SHB: variants seen among roughly 807,000 people sequenced by gnomAD.
The protein encoded by SHB is SH2 domain containing adaptor protein B, also known as SH2 domain-containing adapter protein B.
In SHB, 20 loss-of-function variants were observed where a neutral mutation model predicts 52.3. The observed-to-expected ratio is 0.38, with a 90% CI of 0.27 to 0.56. The LOEUF (loss-of-function observed/expected upper bound fraction) is 0.56. SHB is among the 20% of genes least tolerant of loss of function. The pLI is 0.71. For missense variants in SHB, 825 were observed against 723.3 expected, an observed-to-expected ratio of 1.14 and a Z score of -1.61; for synonymous variants, 397 against 316.5, an observed-to-expected ratio of 1.25 and a Z score of -2.70.
chr9:38,007,241 T>G (rs528133932), intron 2 of SHB, among the ~76,000 whole-genome samples: 1 of 152,226 alleles, frequency 6.6e-6, no homozygotes, highest in Non-Finnish European at 1.5e-5. Flanking sequence ...AGGCTGCTTA[T>G]AGTGAGTATT....
chr9:37,935,381 G>A (rs185543141), intron 5 of SHB, among the ~76,000 whole-genome samples: 6 of 152,282 alleles, frequency 3.9e-5, no homozygotes, highest in East Asian at 1.9e-4. Flanking sequence ...TGGGGCATAC[G>A]CCTTTAGTGC....
At chr9:38,036,202 C>G (rs2118126543) in intron 1 of SHB, among the ~76,000 whole-genome samples, 1 of 152,290 alleles carries the variant, frequency 6.6e-6, no homozygotes, top group African/African-American at 2.4e-5. Context: ...CAGAGAAACA[C>G]CAGCCACATT....
chr9:37,995,510 T>G (rs564345164), intron 2 of SHB, among the ~76,000 whole-genome samples: 1 of 152,316 alleles, frequency 6.6e-6, no homozygotes, highest in South Asian at 2.1e-4. Flanking sequence ...CAGGCCAGCC[T>G]GGGTCACAGC....
intron 1 of SHB, among the ~76,000 whole-genome samples, chr9:38,018,019 A>G (rs1465355849): frequency 6.6e-6 from 1 of 152,178 alleles, no homozygotes; most frequent in African/African-American, 2.4e-5. Context: ...GCTGCTGTGG[A>G]TGACATCTAA....
chr9:37,991,528 C>T (rs919917017), intron 2 of SHB, among the ~76,000 whole-genome samples: 12 of 152,174 alleles, frequency 7.9e-5, no homozygotes, highest in Non-Finnish European at 1.6e-4. Flanking sequence ...TTAATTATAA[C>T]ATTCCCCCAA....
intron 3 of SHB, among the ~76,000 whole-genome samples, chr9:37,957,404 C>T (rs1832648388): frequency 6.6e-6 from 1 of 152,246 alleles, no homozygotes; most frequent in African/African-American, 2.4e-5. Context: ...TGTTCTACAT[C>T]TCAGCCACTG....
At chr9:37,970,466 C>T (rs1312186280) in intron 3 of SHB, among the ~76,000 whole-genome samples, 2 of 151,988 alleles carry the variant, frequency 1.3e-5, no homozygotes, top group African/African-American at 4.8e-5. Flanking sequence ...CTTCCAGAAA[C>T]ACTGCCCAAG....
At chr9:38,038,502 G>A (rs1821519726) in intron 1 of SHB, among the ~76,000 whole-genome samples, 1 of 152,216 alleles carries the variant, frequency 6.6e-6, no homozygotes, top group African/African-American at 2.4e-5. Flanking sequence ...TTTGGTCCCT[G>A]AGTCTAATGC....
chr9:37,989,412 A>G (rs1820854106), intron 2 of SHB, among the ~76,000 whole-genome samples: 1 of 152,178 alleles, frequency 6.6e-6, no homozygotes, highest in Non-Finnish European at 1.5e-5. Flanking sequence ...CAAAGCCACC[A>G]TGAGCCCAAG....
At chr9:37,928,241 G>C (rs993085062) in intron 5 of SHB, among the ~76,000 whole-genome samples, 1 of 152,198 alleles carries the variant, frequency 6.6e-6, no homozygotes, top group Non-Finnish European at 1.5e-5. Flanking sequence ...GGGCAGAATG[G>C]CTCCCCTCAT....
At chr9:37,965,018 T>C (rs1019094873) in intron 3 of SHB, among the ~76,000 whole-genome samples, 2 of 152,206 alleles carry the variant, frequency 1.3e-5, no homozygotes, top group African/African-American at 4.8e-5. Flanking sequence ...AGACACTTAT[T>C]TAGAATCCTA....
intron 1 of SHB, among the ~76,000 whole-genome samples, chr9:38,057,152 T>C (rs1477819363): frequency 1.3e-5 from 2 of 152,208 alleles, no homozygotes; most frequent in East Asian, 3.8e-4. Flanking sequence ...CACTGTTAAA[T>C]TGGTGAAAAC....
intron 3 of SHB, among the ~76,000 whole-genome samples, chr9:37,973,422 C>CA (rs1178981138): frequency 6.6e-6 from 1 of 152,084 alleles, no homozygotes; most frequent in Non-Finnish European, 1.5e-5. Context: ...AGGGTTTCTC[C>CA]ATGTTGGTCA....
intron 5 of SHB, among the ~76,000 whole-genome samples, chr9:37,938,816 G>A (rs1049231688): frequency 1.3e-5 from 2 of 152,226 alleles, no homozygotes; most frequent in Admixed American, 6.5e-5. Context: ...CGGGTTGGGG[G>A]GTGGTGCACT....
chr9:38,001,715 A>T (rs1821016415), intron 2 of SHB, among the ~76,000 whole-genome samples: 1 of 152,212 alleles, frequency 6.6e-6, no homozygotes, highest in Non-Finnish European at 1.5e-5. Context: ...CTGGCCACAG[A>T]GGGTTAGGGT....
chr9:38,040,101 T>TCTTTCCCCATAGC (rs2118137842), intron 1 of SHB, among the ~76,000 whole-genome samples: 1 of 152,374 alleles, frequency 6.6e-6, no homozygotes, highest in Admixed American at 6.5e-5. Context: ...GGTCAGCCGG[T>TCTTTCCCCATAGC]CTTTCCCCAT....
At chr9:38,010,122 A>C (rs1404130144) in intron 2 of SHB, among the ~76,000 whole-genome samples, 2 of 152,232 alleles carry the variant, frequency 1.3e-5, no homozygotes, top group Non-Finnish European at 2.9e-5. Context: ...GGGCTCCAGA[A>C]GGTGCATCTT....
chr9:37,925,387 G>A (rs960697697), intron 5 of SHB, among the ~76,000 whole-genome samples: 3 of 152,212 alleles, frequency 2.0e-5, no homozygotes, highest in African/African-American at 7.2e-5. Context: ...GGGAGCTTCC[G>A]GAGGGTCATC....
intron 3 of SHB, among the ~76,000 whole-genome samples, chr9:37,965,719 G>A (rs1481381603): frequency 6.6e-6 from 1 of 152,080 alleles, no homozygotes. Context: ...GGGATTATAG[G>A]TGCCTGTCAC....
Sources: allele counts gnomAD v4.1 joint callset (sites outside exome capture counted in the v4.1 genomes callset), GRCh38; gene constraint gnomAD v4.1.1; transcripts MANE v1.5; gene names NCBI Gene and HGNC (gene_info 2026-07-23, HGNC 2026-07-21).